ZNF184: variants seen among roughly 807,000 people sequenced by gnomAD.
ZNF184 encodes the protein zinc finger protein 184.
In ZNF184, 16 loss-of-function variants were observed where a neutral mutation model predicts 54.4. The ratio of observed to expected loss-of-function variants is 0.29; its 90% CI spans 0.20 to 0.45. The LOEUF is 0.45. ZNF184 is among the 20% of genes least tolerant of loss of function. The probability of loss-of-function intolerance (pLI) is 1.00; values close to 1 mark genes in which losing one functional copy is unlikely to be tolerated. For missense variants in ZNF184, 681 were observed against 888.2 expected (o/e 0.77, Z 2.97); for synonymous variants, 254 against 295.3 (o/e 0.86, Z 1.43).
the ZNF184 span, among the ~76,000 whole-genome samples, chr6:27,430,489 A>G: frequency 6.6e-6 from 1 of 152,134 alleles, no homozygotes; most frequent in East Asian, 1.9e-4. Flanking sequence ...AAGCAAGCAC[A>G]TGTATTCTTG....
At chr6:27,433,902 TTC>T in the ZNF184 span, among the ~76,000 whole-genome samples, 2 of 150,250 alleles carry the variant, frequency 1.3e-5, no homozygotes, top group African/African-American at 2.5e-5. Context: ...CTTCCTTTCT[TTC>T]TCTTTTTCTT....
At chr6:27,449,615 A>G (rs1297325900), downstream of ZNF184, among the ~76,000 whole-genome samples, 1 of 152,146 alleles carries the variant, frequency 6.6e-6, no homozygotes, top group African/African-American at 2.4e-5. Context: ...TTAGCCAGGC[A>G]TGGTGGCATG....
chr6:27,405,487 A>C, the ZNF184 span: 1 of 152,220 alleles, frequency 6.6e-6, no homozygotes, highest in East Asian at 1.9e-4. Flanking sequence ...ATGGAAGAAC[A>C]CCCTTTCTAA....
chr6:27,413,331 C>A, the ZNF184 span, among the ~76,000 whole-genome samples: 4 of 152,254 alleles, frequency 2.6e-5, no homozygotes, highest in East Asian at 1.9e-4. Context: ...AAATCCATAC[C>A]TTTTATGGTT....
chr6:27,472,339 C>G lies in ZNF184; in HGVS notation c.-45G>C, dbSNP rs760806714. On this transcript the variant is annotated 5_prime_UTR_variant, in exon 2 of 6. Transcript: ENST00000683788. The surrounding 1 kb of genome is among the most constrained non-coding windows in gnomAD (Gnocchi z 4.8). The stretch of plus-strand genomic sequence containing the variant: ...CCTCTGGAACTTGAACACCAGGGTT[C>G]GCCAGGCAGCGTTCCTTCAGCTGGT... 6.2e-7 allele frequency: 1 copy of G among 1,613,828 alleles called. No individual in the cohort carries two copies. The highest frequency in any genetic ancestry group is 8.5e-7 in the Non-Finnish European group (1 of 1,179,842).
rs370711135 is a variant in ZNF184, at chr6:27,452,782, G to A, written c.777C>T (p.Phe259=). The A allele has an allele frequency of 6.0e-5, 97 of 1,613,412 alleles. No homozygotes were observed. The East Asian group carries it at 6.0e-4, about 10-fold the overall frequency. The change falls in exon 6 of 6, where the codon TTC becomes TTT. Residue 259 remains phenylalanine (F), a synonymous_variant. Coordinates refer to ENST00000683788, the MANE Select transcript of ZNF184 (RefSeq NM_001318891.2). The surrounding 1 kb of genome is among the most constrained non-coding windows in gnomAD (Gnocchi z 5.5). ...GGTTTATAAGGTTTTCACTCCGGCT[G>A]AAGGCTTTTTCACATTCATTACATT... ...PYKCNECEKA[F]SRSENLINHQ... is the part of the protein sequence containing the mutation.
chr6:27,410,038 T>G, the ZNF184 span, among the ~76,000 whole-genome samples: 1 of 152,224 alleles, frequency 6.6e-6, no homozygotes, highest in South Asian at 2.1e-4. Context: ...AGTAACGTGA[T>G]GTACAGGTTT....
chr6:27,423,874 T>C, the ZNF184 span, among the ~76,000 whole-genome samples: 5 of 152,246 alleles, frequency 3.3e-5, no homozygotes, highest in African/African-American at 4.8e-5. Flanking sequence ...TTATACCACG[T>C]ATCAGCATTT....
chr6:27,447,321 G>T (rs1158397351), downstream of ZNF184, among the ~76,000 whole-genome samples: 2 of 152,036 alleles, frequency 1.3e-5, no homozygotes, highest in Admixed American at 6.6e-5. Flanking sequence ...GAGTTTTGAG[G>T]GTCAGGGGCA....
At chr6:27,460,182 T>A (rs545843328) in intron 3 of ZNF184, among the ~76,000 whole-genome samples, 2 of 152,110 alleles carry the variant, frequency 1.3e-5, no homozygotes, top group Non-Finnish European at 2.9e-5. Flanking sequence ...AGAACGTTTA[T>A]ATGTAAATGA....
At chr6:27,429,213 A>G in the ZNF184 span, among the ~76,000 whole-genome samples, 1 of 152,216 alleles carries the variant, frequency 6.6e-6, no homozygotes, top group Non-Finnish European at 1.5e-5. Flanking sequence ...AACCTACAGA[A>G]GTAATAGGGT....
At chr6:27,428,585 C>T in the ZNF184 span, among the ~76,000 whole-genome samples, 2 of 152,188 alleles carry the variant, frequency 1.3e-5, no homozygotes, top group Non-Finnish European at 2.9e-5. This position sits in a 1 kb window ranked among gnomAD's most constrained non-coding sequence, Gnocchi z 4.1. Flanking sequence ...TTTCCTAAAA[C>T]CTCCCTGACT....
chr6:27,457,187 G>A, intron 4 of ZNF184, 96 bp downstream of exon 4: 2 of 1,462,408 alleles, frequency 1.4e-6, no homozygotes, highest in Non-Finnish European at 9.2e-7. Flanking sequence ...TTTAGAAATG[G>A]TTGGTTACTA....
chr6:27,416,741 T>C, the ZNF184 span, among the ~76,000 whole-genome samples: 78,074 of 152,016 alleles, frequency 0.51, 20,772 homozygotes, highest in Middle Eastern at 0.72. Flanking sequence ...TGGATCTCAC[T>C]GACCCCTGCT....
the ZNF184 span, among the ~76,000 whole-genome samples, chr6:27,426,880 G>C: frequency 6.6e-6 from 1 of 152,080 alleles, no homozygotes; most frequent in Non-Finnish European, 1.5e-5. The surrounding 1 kb of genome is among the most constrained non-coding windows in gnomAD (Gnocchi z 4.2). Flanking sequence ...TCACCAGTCA[G>C]ATAGGCAAAG....
the ZNF184 span, among the ~76,000 whole-genome samples, chr6:27,442,904 A>G: frequency 1.3e-5 from 2 of 148,868 alleles, no homozygotes; most frequent in African/African-American, 4.9e-5. Context: ...AAGAAAAAAA[A>G]AAAGAAAAGA....
At chr6:27,445,769 A>G (rs1185955011), downstream of ZNF184, among the ~76,000 whole-genome samples, 1 of 151,086 alleles carries the variant, frequency 6.6e-6, no homozygotes, top group Non-Finnish European at 1.5e-5. Context: ...TATTTTAATG[A>G]GGTCCTAGAT....
chr6:27,408,035 C>T, the ZNF184 span: 1 of 947,120 alleles, frequency 1.1e-6, no homozygotes, highest in Non-Finnish European at 1.7e-6. Context: ...GCAAATGTGA[C>T]CTGGGATAAT....
the ZNF184 span, among the ~76,000 whole-genome samples, chr6:27,412,230 C>T: frequency 6.6e-6 from 1 of 152,168 alleles, no homozygotes; most frequent in South Asian, 2.1e-4. Flanking sequence ...CGAGGTTGCA[C>T]GCTCAGGGCC....
Sources: gnomAD v4.1 joint callset for allele counts (sites outside exome capture counted in the v4.1 genomes callset) on GRCh38, gnomAD v4.1.1 for gene constraint, Gnocchi (gnomAD v3.1) non-coding constraint, MANE v1.5 for transcripts, NCBI Gene and HGNC (gene_info 2026-07-23, HGNC 2026-07-21) for gene names.